Variants in KRT74 observed in about 807,000 individuals in gnomAD.
The protein encoded by KRT74 is keratin, type II cytoskeletal 74.
KRT74 carries 43 observed loss-of-function variants against 42.7 expected under a neutral mutation model. The ratio of observed to expected loss-of-function variants is 1.01; its 90% confidence interval spans 0.79 to 1.30. The LOEUF is 1.30. Ranked by LOEUF, KRT74 falls within the 50% of genes most tolerant of loss-of-function variation. The pLI is 0.00. For synonymous variants in KRT74, 302 were observed against 279.0 expected (o/e 1.08, Z -0.82); for missense variants, 736 against 689.1 (o/e 1.07, Z -0.76).
In KRT74 at chr12:52,573,533, C is replaced by G. The variant is rs199830263; in HGVS notation, c.245G>C (p.Gly82Ala). Residue 82 changes from glycine (G) to alanine (A), a missense_variant, in exon 1 of 9, where the codon GGA becomes GCA. Coordinates refer to ENST00000305620, the MANE Select transcript of KRT74 (RefSeq NM_175053.4). The stretch of plus-strand genomic sequence containing the variant: ...AGCAAAGCCACTGGCCCGGCCCCCT[C>G]CATACCCAGAGCCAGGCCTGAAGCC... ...GYGFRPGSGY[G>A]GGRASGFAGS... 6.2e-7 allele frequency: 1 copy of G among 1,614,170 alleles called. No homozygotes were observed. The highest frequency in any genetic ancestry group is 1.3e-5 in the African/African-American group (1 of 75,060).
chr12:52,568,396 G>A lies in KRT74; in HGVS notation c.1135-7C>T. ...CCGTCTCCAGGCTGGCACGCTGAAG[G>A]GCAAAGAACAGAGAGACCATCAGAA... On this transcript the variant is annotated splice_polypyrimidine_tract_variant and splice_region_variant and intron_variant, in intron 6 of 8. Coordinates refer to ENST00000305620, the MANE Select transcript of KRT74 (RefSeq NM_175053.4). 1 of 1,613,966 alleles carries A rather than the reference G, an allele frequency of 6.2e-7. No individual in the cohort carries two copies. The highest frequency in any genetic ancestry group is 1.7e-5 in the Admixed American group (1 of 59,984).
Position 52,573,684 on chromosome 12 carries a change from C to G in KRT74, c.94G>C (p.Ala32Pro), listed in dbSNP as rs755246487. Residue 32 changes from alanine to proline, a missense_variant, in exon 1 of 9, where the codon GCT (alanine) becomes CCT (proline). Coordinates refer to ENST00000305620, the MANE Select transcript of KRT74 (RefSeq NM_175053.4). ...CCTCTGCCAGCTGCACAGTAAGAAG[C>G]CAGGCTACCCACAGCCTTCCTTGGC... ...VVPRKAVGSL[A>P]SYCAAGRGAG... 2 of 1,614,200 alleles carry G rather than the reference C, an allele frequency of 1.2e-6. No homozygotes were observed. Among genetic ancestry groups the G allele is most frequent in the Non-Finnish European group, 1.7e-6 (2 of 1,180,042 alleles).
intron 1 of KRT74, 34 bp downstream of exon 1, chr12:52,573,273 G>C: frequency 1.3e-6 from 2 of 1,588,798 alleles, no homozygotes; most frequent in East Asian, 2.2e-5. Context: ...TCAGGCCTCA[G>C]GGTGCGGCCT....
rs1397266425 is a variant in KRT74, at chr12:52,568,321, C to T, written c.1203G>A (p.Gln401=). The T allele has an allele frequency of 1.2e-6, 2 of 1,614,258 alleles. No individual in the cohort carries two copies. Among genetic ancestry groups the T allele is most frequent in the Admixed American group, 1.7e-5 (1 of 60,034 alleles). ...CGCCCTCCAGCTCATCCAGCTTGGC[C>T]TGGGCATCCTTCAGGGCATTGTCTC... ...QRGDNALKDA[Q]AKLDELEGAL... is the part of the protein sequence containing the mutation. The change falls in exon 7 of 9, where the codon CAG becomes CAA. Residue 401 remains glutamine, a synonymous_variant. Coordinates refer to ENST00000305620, the MANE Select transcript of KRT74 (RefSeq NM_175053.4).
At chr12:52,568,580 G>T in intron 6 of KRT74, 191 bp from the exon 7 acceptor site, 1 of 646,708 alleles carries the variant, frequency 1.5e-6, no homozygotes, top group Non-Finnish European at 2.7e-6. Context: ...GTTATCACAT[G>T]AAGCTGTGGA....
Position 52,572,474 on chromosome 12 carries a change from A to G in KRT74, c.665T>C (p.Leu222Pro). The change falls in exon 2 of 9, where the codon CTG (leucine) becomes CCG (proline). Residue 222 changes from leucine to proline, a missense_variant. Physicochemically the swap from Leu to Pro is moderately conservative, Grantham distance 98. Coordinates refer to ENST00000305620, the MANE Select transcript of KRT74 (RefSeq NM_175053.4). ...TCACCTCTTCTTATAGTCCTCCACC[A>G]GATCCCTCATGCTTCTCAGCTCCGA... ...LDSELRSMRD[L>P]VEDYKKRYEV... The G allele has an allele frequency of 6.2e-7, 1 of 1,614,066 alleles. No homozygotes were observed. Among genetic ancestry groups the G allele is most frequent in the Non-Finnish European group, 8.5e-7 (1 of 1,179,976 alleles).
In KRT74 at chr12:52,573,566, C is replaced by G; in HGVS notation, c.212G>C (p.Gly71Ala). ...FNVAGGGVRA[G>A]GYGFRPGSGY... ...AGAGCCAGGCCTGAAGCCGTAACCT[C>G]CAGCCCGAACGCCGCCACCAGCCAC... The change falls in exon 1 of 9, where the codon GGA becomes GCA. Residue 71 changes from glycine (G) to alanine (A), a missense_variant. Physicochemically the swap from Gly to Ala is moderately conservative, Grantham distance 60 (BLOSUM62 0). Transcript: ENST00000305620. The G allele has an allele frequency of 6.2e-7, 1 of 1,614,108 alleles. No homozygotes were observed. The highest frequency in any genetic ancestry group is 1.1e-5 in the South Asian group (1 of 91,080).
chr12:52,567,764 G>T, intron 7 of KRT74, 71 bp from the exon 8 acceptor site: 1 of 1,076,656 alleles, frequency 9.3e-7, no homozygotes, highest in Non-Finnish European at 1.4e-6. Flanking sequence ...ATGGGCTCCT[G>T]CTTTTATACG....
At chr12:52,570,532 CT>C in intron 5 of KRT74, 136 bp downstream of exon 5, 8 of 917,426 alleles carry the variant, frequency 8.7e-6, no homozygotes, top group Non-Finnish European at 1.2e-5. Flanking sequence ...CTAAGAATTC[CT>C]TTTTTCCTTG....
intron 1 of KRT74, 21 bp downstream of exon 1, chr12:52,573,286 T>A (rs768515754): frequency 1.2e-6 from 2 of 1,610,474 alleles, no homozygotes; most frequent in Admixed American, 3.3e-5. Flanking sequence ...TGCGGCCTCA[T>A]CCTCCTCCTA....
Position 52,571,930 on chromosome 12 carries a change from C to T in KRT74, c.747+14G>A. On this transcript the variant is annotated intron_variant, in intron 3 of 8. Coordinates refer to ENST00000305620, the MANE Select transcript of KRT74 (RefSeq NM_175053.4). ...TGCGAGAGACCCTAATAAGGAGGCT[C>T]CTCCCTCTCTTACCTTCTTAAGCAC... The T allele has an allele frequency of 6.6e-7, 1 of 1,504,164 alleles. No individual in the cohort carries two copies. Among genetic ancestry groups the T allele is most frequent in the Non-Finnish European group, 9.3e-7 (1 of 1,080,258 alleles). 93.2% of individuals were successfully genotyped at this position (1,504,164 alleles called of 1,614,324 possible).
chr12:52,570,066 T>A, intron 5 of KRT74, 82 bp from the exon 6 acceptor site: 1 of 1,491,138 alleles, frequency 6.7e-7, no homozygotes, highest in Admixed American at 1.7e-5. Context: ...CCTGCCACCC[T>A]GGCTGTCGGT....
chr12:52,565,861 A>C lies in KRT74; in HGVS notation c.*1108T>G, dbSNP rs1939371740. ...CTTTAATTCAAACAAAAGAGGAAATAGATGCTGCCATTCTTAGGAATATTT... is the reference window on the plus strand; with the variant it reads ...CTTTAATTCAAACAAAAGAGGAAATCGATGCTGCCATTCTTAGGAATATTT... On this transcript the variant is annotated 3_prime_UTR_variant, in exon 9 of 9. Coordinates refer to ENST00000305620, the MANE Select transcript of KRT74 (RefSeq NM_175053.4). 2.6e-5 allele frequency: 4 copies of C among 152,248 alleles called. No homozygotes were observed. In the South Asian group the frequency reaches 8.3e-4, roughly 32 times the overall value. The allele number at this position is 152,248 out of a possible 1,614,324, so 9.4% of individuals were successfully genotyped here.
Position 52,572,658 on chromosome 12 carries a change from G to A in KRT74, c.481C>T (p.Leu161=), listed in dbSNP as rs759509287. ...FASFIDKVRF[L]EQQNQVLETK... ...TCTAGAACCTGGTTCTGCTGCTCTA[G>A]GAAGCGTACCTGGAACCCAAATCAA... Residue 161 remains leucine, a synonymous_variant, in exon 2 of 9, where the codon CTA becomes TTA. Transcript: ENST00000305620. 1 of 1,614,174 alleles carries A rather than the reference G, an allele frequency of 6.2e-7. No homozygotes were observed.
At position 52,568,389 on chromosome 12, in the gene KRT74, G is replaced by A. The variant is rs1939418777; in HGVS notation, c.1135C>T (p.Arg379Cys). The A allele has an allele frequency of 2.5e-6, 4 of 1,613,962 alleles. No individual in the cohort carries two copies. Among genetic ancestry groups the A allele is most frequent in the African/African-American group, 1.3e-5 (1 of 74,926 alleles). ...GCGATGGCCGTCTCCAGGCTGGCAC[G>A]CTGAAGGGCAAAGAACAGAGAGACC... ...RCEIGNVKKQ[R>C]ASLETAIADA... Residue 379 changes from arginine to cysteine, a missense_variant and splice_region_variant, in exon 7 of 9, where the codon CGT becomes TGT. Transcript: ENST00000305620.
chr12:52,569,647 G>A (rs972205848), intron 6 of KRT74: 3 of 629,476 alleles, frequency 4.8e-6, no homozygotes, highest in African/African-American at 3.7e-5. Context: ...TGAGGAGTCA[G>A]AGAAATAGGT....
chr12:52,572,776 G>C (rs1337882283), intron 1 of KRT74, 109 bp from the exon 2 acceptor site: 2 of 1,017,046 alleles, frequency 2.0e-6, no homozygotes, highest in Non-Finnish European at 3.0e-6. Flanking sequence ...AGTCATTTTT[G>C]CTCATGTCTT....
At position 52,567,067 on chromosome 12, in the gene KRT74, C is replaced by T. The variant is rs763304950; in HGVS notation, c.1492G>A (p.Gly498Arg). ...CGCGCCTCTGTGGTCTTGGTCTGCC[C>T]GCTCTGGGTGCTGCCAGAGCTGCCT... is the stretch of plus-strand genomic sequence containing the variant. ...VAGSSGSTQS[G>R]QTKTTEARGG... Residue 498 changes from glycine (G) to arginine (R), a missense_variant, in exon 9 of 9, where the codon GGG (glycine) becomes AGG (arginine). Transcript: ENST00000305620. 2.6e-5 allele frequency: 42 copies of T among 1,594,584 alleles called. No individual in the cohort carries two copies. The highest frequency in any genetic ancestry group is 1.7e-4 in the Middle Eastern group (1 of 5,972).
At chr12:52,571,676 G>A (rs1939484974) in intron 3 of KRT74, among the ~76,000 whole-genome samples, 1 of 152,212 alleles carries the variant, frequency 6.6e-6, no homozygotes, top group Admixed American at 6.5e-5. Context: ...AGAGGTAGTA[G>A]GTTTCCTCAG....
Sources: allele counts gnomAD v4.1 joint callset (sites outside exome capture counted in the v4.1 genomes callset), GRCh38; gene constraint gnomAD v4.1.1; transcripts MANE v1.5; gene names NCBI Gene and HGNC (gene_info 2026-07-23, HGNC 2026-07-21).